The following ATP9A variants were observed in gnomAD, a reference collection of about 807,000 sequenced individuals.
The protein encoded by ATP9A is ATPase phospholipid transporting 9A, also known as probable phospholipid-transporting ATPase IIA.
In ATP9A, 52 loss-of-function variants were observed where a neutral mutation model predicts 144.1. That is an observed-to-expected ratio of 0.36 (90% CI 0.29 to 0.45). The LOEUF is 0.45. Among genes scored for constraint, ATP9A ranks in the 20% least tolerant of loss-of-function variants. ATP9A has a pLI of 1.00. For synonymous variants in ATP9A, 582 were observed against 557.4 expected (o/e 1.04, Z -0.62); for missense variants, 947 against 1,392.7 (o/e 0.68, Z 5.09).
At chr20:51,678,547 G>C (rs114150359) in intron 9 of ATP9A, among the ~76,000 whole-genome samples, 3 of 152,148 alleles carry the variant, frequency 2.0e-5, no homozygotes, top group African/African-American at 4.8e-5. Context: ...GCAGGCCAGG[G>C]AGAGCTTGCG....
chr20:51,718,763 C>G (rs1013123931), intron 3 of ATP9A, among the ~76,000 whole-genome samples: 3 of 132,234 alleles, frequency 2.3e-5, no homozygotes, highest in Non-Finnish European at 4.6e-5. Context: ...TGCAGTGAGC[C>G]GAGATCGCAC....
At chr20:51,734,087 C>A (rs1371185720) in intron 1 of ATP9A, among the ~76,000 whole-genome samples, 1 of 152,026 alleles carries the variant, frequency 6.6e-6, no homozygotes, top group Non-Finnish European at 1.5e-5. Context: ...ACCAATCCTC[C>A]CACCTCTCAG....
intron 24 of ATP9A, 114 bp downstream of exon 24, chr20:51,609,987 G>A: frequency 1.1e-6 from 1 of 874,304 alleles, no homozygotes; most frequent in Non-Finnish European, 1.9e-6. Context: ...CGCTGGGGCT[G>A]GGAATCCAAT....
intron 4 of ATP9A, among the ~76,000 whole-genome samples, chr20:51,698,782 G>A (rs2077580976): frequency 6.6e-6 from 1 of 152,188 alleles, no homozygotes; most frequent in Non-Finnish European, 1.5e-5. Flanking sequence ...ATAGCTAACA[G>A]CATGCACACG....
At chr20:51,601,473 G>A (rs917413312) in intron 27 of ATP9A, 126 bp from the exon 28 acceptor site, 1 of 1,002,482 alleles carries the variant, frequency 1.0e-6, no homozygotes, top group South Asian at 1.9e-5. Context: ...ACAGCCTCCT[G>A]GCATTGGCCC....
intron 10 of ATP9A, 83 bp from the exon 11 acceptor site, chr20:51,674,396 T>C: frequency 6.9e-7 from 1 of 1,454,448 alleles, no homozygotes; most frequent in South Asian, 1.2e-5. Context: ...GAGGCTGCAG[T>C]GAGCTGAGCC....
chr20:51,676,060 A>G (rs141875026), intron 10 of ATP9A, 72 bp downstream of exon 10: 9 of 1,132,324 alleles, frequency 7.9e-6, no homozygotes, highest in Non-Finnish European at 1.2e-5. Flanking sequence ...TCCTATTTTA[A>G]TATCTCGTCA....
At chr20:51,704,914 T>C (rs1005378583) in intron 4 of ATP9A, among the ~76,000 whole-genome samples, 1 of 152,224 alleles carries the variant, frequency 6.6e-6, no homozygotes, top group African/African-American at 2.4e-5. Context: ...CAAGGGAAAT[T>C]TGGGAAGGGA....
intron 1 of ATP9A, among the ~76,000 whole-genome samples, chr20:51,756,646 C>T (rs2122912916): frequency 6.6e-6 from 1 of 152,158 alleles, no homozygotes; most frequent in Non-Finnish European, 1.5e-5. Context: ...GGAAAAGGGC[C>T]CATCCTAACA....
At chr20:51,602,442 A>G (rs2077147027) in intron 27 of ATP9A, among the ~76,000 whole-genome samples, 1 of 152,170 alleles carries the variant, frequency 6.6e-6, no homozygotes, top group South Asian at 2.1e-4. Context: ...GAGCTTCCTG[A>G]GCAGGGGCCA....
chr20:51,641,068 AT>A (rs112654821), intron 14 of ATP9A, among the ~76,000 whole-genome samples: 1 of 152,058 alleles, frequency 6.6e-6, no homozygotes, highest in East Asian at 1.9e-4. Context: ...CTAAAAAAAA[AT>A]TTTTTAATTA....
At chr20:51,619,077 G>A in intron 19 of ATP9A, 34 bp from the exon 20 acceptor site, 1 of 1,573,726 alleles carries the variant, frequency 6.4e-7, no homozygotes, top group Non-Finnish European at 8.7e-7. Flanking sequence ...AGGAGGCATT[G>A]CTCTCCGGAC....
chr20:51,704,086 GAA>G (rs1401077024), intron 4 of ATP9A, among the ~76,000 whole-genome samples: 1 of 146,066 alleles, frequency 6.8e-6, no homozygotes, highest in African/African-American at 2.5e-5. Flanking sequence ...CAAAGCCAAA[GAA>G]AAGACTGTTA....
chr20:51,637,306 TAAA>T (rs3029335), intron 15 of ATP9A, among the ~76,000 whole-genome samples: 26 of 89,980 alleles, frequency 2.9e-4, no homozygotes, highest in African/African-American at 7.8e-4. Flanking sequence ...TCCCTAACAT[TAAA>T]AAAAAAAAAA....
intron 14 of ATP9A, among the ~76,000 whole-genome samples, chr20:51,649,912 CA>C (rs3029336): frequency 2.0e-3 from 219 of 107,686 alleles, no homozygotes; most frequent in Middle Eastern, 4.5e-3. Flanking sequence ...GAATCCGTCT[CA>C]AAAAAAAAAA....
chr20:51,692,689 C>T (rs1249033295), intron 7 of ATP9A, among the ~76,000 whole-genome samples: 1 of 152,164 alleles, frequency 6.6e-6, no homozygotes, highest in Admixed American at 6.6e-5. Flanking sequence ...GTAATCCCAG[C>T]TACTCAGGAG....
chr20:51,734,140 G>A (rs915538772), intron 1 of ATP9A, among the ~76,000 whole-genome samples: 1 of 147,594 alleles, frequency 6.8e-6, no homozygotes, highest in African/African-American at 2.5e-5. Flanking sequence ...AATCACACCT[G>A]GCTAATTTTT....
intron 19 of ATP9A, 89 bp from the exon 20 acceptor site, chr20:51,619,132 C>T (rs2077215804): frequency 1.8e-6 from 2 of 1,130,342 alleles, no homozygotes; most frequent in African/African-American, 1.5e-5. Context: ...CACATGAAGA[C>T]AACGGCCACC....
chr20:51,606,529 T>C (rs1261996253), intron 26 of ATP9A, among the ~76,000 whole-genome samples: 1 of 152,138 alleles, frequency 6.6e-6, no homozygotes, highest in Non-Finnish European at 1.5e-5. Flanking sequence ...AGACCTCATC[T>C]CTACAAAAAA....
Sources: allele counts gnomAD v4.1 joint callset (sites outside exome capture counted in the v4.1 genomes callset), GRCh38; gene constraint gnomAD v4.1.1; transcripts MANE v1.5; gene names NCBI Gene and HGNC (gene_info 2026-07-23, HGNC 2026-07-21).